SSBP3: variants seen among roughly 807,000 people sequenced by gnomAD.
The protein encoded by SSBP3 is single stranded DNA binding protein 3, also known as single-stranded DNA-binding protein 3.
In SSBP3, 5 loss-of-function variants were observed where a neutral mutation model predicts 69.6. The ratio of observed to expected loss-of-function variants is 0.07; its 90% CI spans 0.04 to 0.15. SSBP3 has a LOEUF of 0.15. Ranked by LOEUF, SSBP3 falls within the 10% of genes least tolerant of loss-of-function variation. The pLI is 1.00. For synonymous variants in SSBP3, 196 were observed against 193.4 expected (o/e 1.01, Z -0.11); for missense variants, 312 against 534.0 (o/e 0.58, Z 4.10).
chr1:54,381,382 C>CA (rs59809996), intron 4 of SSBP3, among the ~76,000 whole-genome samples: 15,292 of 68,646 alleles, frequency 0.22, 2,642 homozygotes, highest in Admixed American at 0.25. Context: ...TACACCATCT[C>CA]AAAAAAAAAA....
chr1:54,237,840 G>C (rs1305151371), intron 14 of SSBP3: 4 of 316,706 alleles, frequency 1.3e-5, no homozygotes, highest in African/African-American at 8.6e-5. Flanking sequence ...GCAGCGTGCG[G>C]AGTTGCAGCC....
intron 4 of SSBP3, among the ~76,000 whole-genome samples, chr1:54,393,714 G>T (rs1398005613): frequency 6.6e-6 from 1 of 152,312 alleles, no homozygotes; most frequent in South Asian, 2.1e-4. Context: ...TATATATTGT[G>T]TGTATATGTG....
Position 54,285,790 on chromosome 1 carries a change from G to A in SSBP3, c.277-4263C>T, listed in dbSNP as rs1194577672. On this transcript the variant is annotated intron_variant, in intron 4 of 17. Coordinates refer to ENST00000610401, the Ensembl canonical transcript of SSBP3. Reference sequence around the variant, plus strand: ...ATTCACTGAGGCCTACAGCATGCCAGGGCTGCAGTGGGTGCATGGGCTAGA... The same window carrying A: ...ATTCACTGAGGCCTACAGCATGCCAAGGCTGCAGTGGGTGCATGGGCTAGA... Among the ~76,000 whole-genome samples, 4 of 152,202 alleles carry A rather than the reference G, an allele frequency of 2.6e-5. No homozygotes were observed. In the East Asian group the frequency reaches 5.8e-4, roughly 22 times the overall value.
At chr1:54,409,231 C>CGGAT (rs1435726163), upstream of SSBP3, among the ~76,000 whole-genome samples, 3 of 152,128 alleles carry the variant, frequency 2.0e-5, no homozygotes, top group African/African-American at 7.2e-5. Flanking sequence ...TTAAGGCTAA[C>CGGAT]ATCCCCTCCC....
chr1:54,359,991 C>CA (rs1646926369), intron 4 of SSBP3, among the ~76,000 whole-genome samples: 1 of 152,200 alleles, frequency 6.6e-6, no homozygotes, highest in Non-Finnish European at 1.5e-5. Flanking sequence ...CCAACACCTT[C>CA]AGAGTCTTGT....
chr1:54,349,177 G>A (rs1475201378), intron 4 of SSBP3, among the ~76,000 whole-genome samples: 2 of 152,206 alleles, frequency 1.3e-5, no homozygotes, highest in Admixed American at 6.5e-5. Flanking sequence ...CCACTATGGA[G>A]GAGAGATTAG....
intron 4 of SSBP3, among the ~76,000 whole-genome samples, chr1:54,378,898 C>T (rs1442379694): frequency 1.3e-5 from 2 of 152,234 alleles, no homozygotes; most frequent in Non-Finnish European, 2.9e-5. Context: ...AAATATTTCA[C>T]TCACACAGCT....
chr1:54,240,114 GCGCGCGCAACA>G (rs1557449163), intron 13 of SSBP3, among the ~76,000 whole-genome samples: 116 of 8,464 alleles, frequency 0.014, 1 homozygote, highest in African/African-American at 0.047. Flanking sequence ...GCGTGCGCGC[GCGCGCGCAACA>G]CATGCCCACG....
At chr1:54,369,845 C>T (rs1240641819) in intron 4 of SSBP3, among the ~76,000 whole-genome samples, 2 of 149,012 alleles carry the variant, frequency 1.3e-5, no homozygotes, top group South Asian at 2.1e-4. Flanking sequence ...TTAGTACCCT[C>T]GACGGTATCC....
chr1:54,282,167 T>G (rs1645407234), intron 4 of SSBP3, among the ~76,000 whole-genome samples: 1 of 152,110 alleles, frequency 6.6e-6, no homozygotes, highest in South Asian at 2.1e-4. Flanking sequence ...AGAGCAGGGG[T>G]GCATGGCCAA....
rs7415493 is a variant in SSBP3, at chr1:54,385,477, C to T, written c.276+16384G>A. On this transcript the variant is annotated intron_variant, in intron 4 of 17. Coordinates refer to ENST00000610401, the Ensembl canonical transcript of SSBP3. ...TCCCTTCCCTTCTATCTACCACTGCCCCCAACCCCAAACACACACACACAC... is the reference window on the plus strand; with the variant it reads ...TCCCTTCCCTTCTATCTACCACTGCTCCCAACCCCAAACACACACACACAC... Among the ~76,000 whole-genome samples, 21 of 152,168 alleles carry T rather than the reference C, an allele frequency of 1.4e-4. No homozygotes were observed. The East Asian group carries it at 2.9e-3, about 21-fold the overall frequency.
intron 4 of SSBP3, among the ~76,000 whole-genome samples, chr1:54,364,125 C>T (rs1211750239): frequency 6.6e-6 from 1 of 152,226 alleles, no homozygotes; most frequent in Admixed American, 6.5e-5. Context: ...ACTTATACCA[C>T]CTGTATTTGT....
intron 14 of SSBP3, among the ~76,000 whole-genome samples, chr1:54,235,832 G>A (rs1644482434): frequency 6.6e-6 from 1 of 152,270 alleles, no homozygotes; most frequent in South Asian, 2.1e-4. Context: ...AAAGCACAGA[G>A]GTAATCTGAA....
chr1:54,327,705 T>G (rs1646335625), intron 4 of SSBP3, among the ~76,000 whole-genome samples: 1 of 152,168 alleles, frequency 6.6e-6, no homozygotes, highest in Non-Finnish European at 1.5e-5. Flanking sequence ...GACGTTATAA[T>G]AAGAAACATT....
At chr1:54,290,528 T>TA (rs1217072922) in intron 4 of SSBP3, among the ~76,000 whole-genome samples, 1 of 152,190 alleles carries the variant, frequency 6.6e-6, no homozygotes, top group East Asian at 1.9e-4. Flanking sequence ...GTGGCCACCT[T>TA]AGGAGGAAGT....
chr1:54,368,940 G>C (rs188257148), intron 4 of SSBP3, among the ~76,000 whole-genome samples: 3 of 152,232 alleles, frequency 2.0e-5, no homozygotes, highest in Non-Finnish European at 2.9e-5. Context: ...TCTCTTCAAA[G>C]GTAAAACCCT....
intron 4 of SSBP3, among the ~76,000 whole-genome samples, chr1:54,368,672 C>G (rs1354336560): frequency 6.6e-6 from 1 of 152,130 alleles, no homozygotes; most frequent in Non-Finnish European, 1.5e-5. Context: ...CTGAGAAGCC[C>G]TACACTAAAG....
chr1:54,411,737 A>C (rs1276077460), intron 1 of SSBP3, among the ~76,000 whole-genome samples: 1 of 151,022 alleles, frequency 6.6e-6, no homozygotes, highest in African/African-American at 2.4e-5. Flanking sequence ...CTAAAAATAC[A>C]AAAAATTAGC....
chr1:54,404,142 GT>G (rs1479233892), intron 3 of SSBP3, among the ~76,000 whole-genome samples: 7 of 152,078 alleles, frequency 4.6e-5, no homozygotes, highest in Non-Finnish European at 7.4e-5. Flanking sequence ...CCCGGTAGAT[GT>G]CCTCTCTTAA....
Sources: allele counts gnomAD v4.1 joint callset (sites outside exome capture counted in the v4.1 genomes callset), GRCh38; gene constraint gnomAD v4.1.1; transcripts MANE v1.5; gene names NCBI Gene and HGNC (gene_info 2026-07-23, HGNC 2026-07-21).